Variants in EML5 observed in about 807,000 individuals in gnomAD.
EML5 encodes the protein echinoderm microtubule-associated protein-like 5.
In EML5, 120 loss-of-function variants were observed where a neutral mutation model predicts 250.0. The ratio of observed to expected loss-of-function variants is 0.48; its 90% CI spans 0.41 to 0.56. The LOEUF (loss-of-function observed/expected upper bound fraction) is 0.56. Ranked by LOEUF, EML5 falls within the 20% of genes least tolerant of loss-of-function variation. EML5 has a pLI of 0.00. For missense variants in EML5, 2,006 were observed against 2,437.6 expected, an observed-to-expected ratio of 0.82 and a Z score of 3.73; for synonymous variants, 771 against 806.5, an observed-to-expected ratio of 0.96 and a Z score of 0.75.
intron 27 of EML5, among the ~76,000 whole-genome samples, chr14:88,652,410 G>A (rs1344811068): frequency 5.3e-5 from 8 of 152,048 alleles, no homozygotes; most frequent in East Asian, 1.9e-4. Flanking sequence ...CATTACTAAC[G>A]TGTTTTTCAC....
At chr14:88,687,127 T>A (rs2092850920) in intron 19 of EML5, 89 bp downstream of exon 19, 1 of 965,486 alleles carries the variant, frequency 1.0e-6, no homozygotes, top group Admixed American at 2.8e-5. Context: ...GAAAAATACA[T>A]GCCATGTGTT....
At chr14:88,713,017 T>C (rs181027457) in intron 9 of EML5, among the ~76,000 whole-genome samples, 211 of 152,292 alleles carry the variant, frequency 1.4e-3, no homozygotes, top group Non-Finnish European at 2.3e-3. Context: ...GGGAGATGCA[T>C]TAATTGAATT....
chr14:88,696,277 T>G (rs2141348082), intron 15 of EML5, among the ~76,000 whole-genome samples: 1 of 152,162 alleles, frequency 6.6e-6, no homozygotes. Context: ...AATTCTCTAT[T>G]AATGTATTTC....
intron 21 of EML5, among the ~76,000 whole-genome samples, chr14:88,673,118 A>C (rs1457748265): frequency 1.3e-5 from 2 of 152,232 alleles, no homozygotes; most frequent in Non-Finnish European, 2.9e-5. Flanking sequence ...TGACTGAAGA[A>C]TATTGATGCA....
At chr14:88,698,139 T>A (rs2093123692) in intron 14 of EML5, among the ~76,000 whole-genome samples, 1 of 152,192 alleles carries the variant, frequency 6.6e-6, no homozygotes, top group Non-Finnish European at 1.5e-5. Flanking sequence ...AGAAAATTTT[T>A]AACATTTTTT....
At chr14:88,625,924 G>T (rs908764875) in intron 35 of EML5, 3 of 152,148 alleles carry the variant, frequency 2.0e-5, no homozygotes, top group Non-Finnish European at 4.4e-5. Context: ...AGCCAATGCA[G>T]GATATTAAAG....
intron 2 of EML5, among the ~76,000 whole-genome samples, chr14:88,752,268 A>T: frequency 6.6e-6 from 1 of 152,320 alleles, no homozygotes; most frequent in South Asian, 2.1e-4. Context: ...AGCTAAGAAG[A>T]AAATATCTAT....
intron 1 of EML5, among the ~76,000 whole-genome samples, chr14:88,788,649 T>G (rs1486677706): frequency 6.6e-6 from 1 of 152,164 alleles, no homozygotes; most frequent in Non-Finnish European, 1.5e-5. Flanking sequence ...GTTAATTATA[T>G]TCCATCAATG....
At chr14:88,703,023 A>G (rs2093245940) in intron 13 of EML5, among the ~76,000 whole-genome samples, 1 of 152,148 alleles carries the variant, frequency 6.6e-6, no homozygotes, top group South Asian at 2.1e-4. Context: ...CTGGGATTAC[A>G]GGTGTAAGCC....
At position 88,638,857 on chromosome 14, in the gene EML5, C is replaced by T; in HGVS notation, c.4288G>A (p.Val1430Ile). The T allele has an allele frequency of 6.3e-7, 1 of 1,598,974 alleles. No homozygotes were observed. ...EHNDDILCLT[V>I]NQHPKFINIV... The stretch of plus-strand genomic sequence containing the variant: ...TTGATAAATTTGGGGTGCTGGTTTA[C>T]TGTGAGGCACAGAATATCATCATTA... The change falls in exon 32 of 44, where the codon GTA becomes ATA. Residue 1430 changes from valine to isoleucine, a missense_variant. Physicochemically the swap from Val to Ile is conservative, Grantham distance 29. This residue lies in a region of EML5 where 1,375 missense variants were observed against 1,590.3 expected (regional missense o/e 0.86). Transcript: ENST00000554922.
chr14:88,724,561 T>C (rs1175685937), intron 8 of EML5, among the ~76,000 whole-genome samples: 3 of 146,450 alleles, frequency 2.0e-5, no homozygotes, highest in African/African-American at 7.5e-5. Flanking sequence ...GGCAAGTAAA[T>C]GTATAACTAA....
intron 21 of EML5, among the ~76,000 whole-genome samples, chr14:88,680,089 A>C (rs2092685298): frequency 6.6e-6 from 1 of 152,224 alleles, no homozygotes; most frequent in Non-Finnish European, 1.5e-5. Context: ...TTTACCAATT[A>C]AAATACTGCA....
chr14:88,705,063 T>C (rs1191680561), intron 12 of EML5, 85 bp from the exon 13 acceptor site: 25 of 881,896 alleles, frequency 2.8e-5, no homozygotes, highest in Admixed American at 5.7e-5. Flanking sequence ...CTTTCAGACA[T>C]TGTCTGAAAA....
At chr14:88,687,438 A>C (rs567144563) in intron 18 of EML5, 111 bp from the exon 19 acceptor site, 1 of 720,372 alleles carries the variant, frequency 1.4e-6, no homozygotes, top group East Asian at 2.9e-5. Flanking sequence ...CAAAAGTTAC[A>C]GCTTGTAAAG....
chr14:88,695,752 T>C (rs964436812), intron 15 of EML5, among the ~76,000 whole-genome samples: 1 of 151,726 alleles, frequency 6.6e-6, no homozygotes, highest in Non-Finnish European at 1.5e-5. Context: ...ATTTAAAAAA[T>C]AGAAGGAAAG....
chr14:88,728,488 C>T (rs892649079), intron 7 of EML5, among the ~76,000 whole-genome samples: 2 of 151,974 alleles, frequency 1.3e-5, no homozygotes, highest in Non-Finnish European at 2.9e-5. Flanking sequence ...ATACTGTATA[C>T]CTACAATAAA....
intron 14 of EML5, among the ~76,000 whole-genome samples, chr14:88,700,214 T>G (rs1333754146): frequency 2.0e-5 from 3 of 152,312 alleles, no homozygotes; most frequent in Middle Eastern, 3.4e-3. Flanking sequence ...CATTTCCACT[T>G]AAGATCACAG....
At chr14:88,689,139 A>G (rs1233161177) in intron 17 of EML5, among the ~76,000 whole-genome samples, 1 of 152,168 alleles carries the variant, frequency 6.6e-6, no homozygotes, top group Non-Finnish European at 1.5e-5. Flanking sequence ...ATGGAGATTT[A>G]AGTTACTTCC....
intron 1 of EML5, 22 bp from the exon 2 acceptor site, chr14:88,754,693 AAGT>A (rs778883002): frequency 6.4e-7 from 1 of 1,564,000 alleles, no homozygotes; most frequent in Non-Finnish European, 8.7e-7. Context: ...GGAAATAAAT[AAGT>A]AGTATTATTA....
Sources: allele counts gnomAD v4.1 joint callset (sites outside exome capture counted in the v4.1 genomes callset), GRCh38; gene constraint gnomAD v4.1.1; regional missense constraint gnomAD v4.1.1; transcripts MANE v1.5; gene names NCBI Gene and HGNC (gene_info 2026-07-23, HGNC 2026-07-21).